CDKAL1: variants seen among roughly 807,000 people sequenced by gnomAD.
CDKAL1 encodes CDKAL1 threonylcarbamoyladenosine tRNA methylthiotransferase.
Under a neutral mutation model 68.2 loss-of-function variants are expected in CDKAL1, and 32 were observed. The observed-to-expected ratio is 0.47, with a 90% CI of 0.35 to 0.63. The LOEUF (loss-of-function observed/expected upper bound fraction) is 0.63, where lower values mean the gene tolerates loss of function less well. Among genes scored for constraint, CDKAL1 ranks in the 30% least tolerant of loss-of-function variants. The pLI is 0.00. For synonymous variants in CDKAL1, 234 were observed against 244.3 expected, an observed-to-expected ratio of 0.96 and a Z score of 0.39; for missense variants, 606 against 696.7, an observed-to-expected ratio of 0.87 and a Z score of 1.47.
At chr6:20,557,000 T>C (rs1764069846) in intron 4 of CDKAL1, among the ~76,000 whole-genome samples, 1 of 146,882 alleles carries the variant, frequency 6.8e-6, no homozygotes. Flanking sequence ...ATCATGCCAC[T>C]GTACTCCAGC....
intron 9 of CDKAL1, among the ~76,000 whole-genome samples, chr6:20,935,817 C>G (rs10946419): frequency 3.3e-5 from 5 of 151,972 alleles, no homozygotes; most frequent in African/African-American, 9.7e-5. Context: ...CGATCCTCCC[C>G]CTTTGGCCTC....
At chr6:21,144,278 C>T (rs1776057723) in intron 13 of CDKAL1, among the ~76,000 whole-genome samples, 1 of 152,190 alleles carries the variant, frequency 6.6e-6, no homozygotes, top group African/African-American at 2.4e-5. Flanking sequence ...TAGCCAGCCT[C>T]ACAGAGTTGT....
intron 9 of CDKAL1, among the ~76,000 whole-genome samples, chr6:20,853,806 G>A (rs1437179353): frequency 2.0e-5 from 3 of 152,152 alleles, no homozygotes; most frequent in Non-Finnish European, 4.4e-5. Context: ...GGTTGAAGCT[G>A]TAAAATGAGC....
At chr6:20,908,539 A>G (rs1455018260) in intron 9 of CDKAL1, among the ~76,000 whole-genome samples, 1 of 152,234 alleles carries the variant, frequency 6.6e-6, no homozygotes, top group Non-Finnish European at 1.5e-5. Flanking sequence ...TCATAAACCA[A>G]CTATGTGACT....
In CDKAL1 at chr6:21,179,218, G is replaced by A. The variant is rs563483520; in HGVS notation, c.1300-18803G>A. Among the ~76,000 whole-genome samples the A allele has an allele frequency of 2.0e-5, 3 of 152,294 alleles. No individual in the cohort carries two copies. The East Asian group carries it at 5.8e-4, about 29-fold the overall frequency. ...TTTCAAAGAGAGCAGAGAGTGTGGG[G>A]TGGAGGTGGGAGAGAATGAGACCTT... is the stretch of plus-strand genomic sequence containing the variant. On this transcript the variant is annotated intron_variant, in intron 13 of 15. Transcript: ENST00000274695.
At position 21,189,695 on chromosome 6, in the gene CDKAL1, A is replaced by G. The variant is rs192184221; in HGVS notation, c.1300-8326A>G. On this transcript the variant is annotated intron_variant, in intron 13 of 15. Coordinates refer to ENST00000274695, the MANE Select transcript of CDKAL1 (RefSeq NM_017774.3). ...CATTTTTGACACACATTCTTGTGTC[A>G]TGGCCCTATTTCATTATAGAATGGC... is the stretch of plus-strand genomic sequence containing the variant. Among the ~76,000 whole-genome samples the G allele has an allele frequency of 2.1e-3, 324 of 152,306 alleles. 3 individuals carry two copies. The highest frequency in any genetic ancestry group is 7.2e-3 in the African/African-American group (298 of 41,554).
intron 5 of CDKAL1, among the ~76,000 whole-genome samples, chr6:20,674,167 C>T (rs1042172755): frequency 9.2e-5 from 14 of 152,074 alleles, no homozygotes; most frequent in Admixed American, 4.6e-4. Flanking sequence ...ATGGTACTCT[C>T]ATTTCATTTG....
chr6:20,792,514 C>T (rs1336031199), intron 8 of CDKAL1, among the ~76,000 whole-genome samples: 3 of 152,140 alleles, frequency 2.0e-5, no homozygotes, highest in Admixed American at 6.5e-5. Flanking sequence ...ACTGCTCTTG[C>T]GGAAAACATA....
rs187591320 is a variant in CDKAL1, at chr6:20,663,341, A to G, written c.371+13964A>G. Among the ~76,000 whole-genome samples, 378 of 152,110 alleles carry G rather than the reference A, an allele frequency of 2.5e-3. 2 individuals carry two copies. The highest frequency in any genetic ancestry group is 8.7e-3 in the African/African-American group (360 of 41,494). On this transcript the variant is annotated intron_variant, in intron 5 of 15. Transcript: ENST00000274695. Reference sequence around the variant, plus strand: ...TGTTTATTGGCTTGATATCTCTGCTATAGGGTATAAACTTTGGGACAAGAT... The same window carrying G: ...TGTTTATTGGCTTGATATCTCTGCTGTAGGGTATAAACTTTGGGACAAGAT...
chr6:20,570,469 C>G (rs573320433), intron 4 of CDKAL1, among the ~76,000 whole-genome samples: 2 of 152,062 alleles, frequency 1.3e-5, no homozygotes, highest in Non-Finnish European at 2.9e-5. Flanking sequence ...GGCGTGATCT[C>G]AGCTCACTGC....
At chr6:21,206,113 G>A (rs865869730) in intron 15 of CDKAL1, among the ~76,000 whole-genome samples, 3 of 152,048 alleles carry the variant, frequency 2.0e-5, no homozygotes, top group South Asian at 4.1e-4. Context: ...TTACAGGCGT[G>A]AGCCACCACA....
At chr6:20,966,201 A>G (rs555200771) in intron 10 of CDKAL1, among the ~76,000 whole-genome samples, 1 of 152,188 alleles carries the variant, frequency 6.6e-6, no homozygotes, top group Non-Finnish European at 1.5e-5. Context: ...GTTTATTTCT[A>G]AGATACTAAA....
intron 6 of CDKAL1, among the ~76,000 whole-genome samples, chr6:20,746,954 A>G (rs1446322956): frequency 6.6e-6 from 1 of 152,162 alleles, no homozygotes; most frequent in Non-Finnish European, 1.5e-5. Flanking sequence ...CTTGTCCTAC[A>G]TAACTGCAAC....
At chr6:20,966,924 T>C (rs184786157) in intron 10 of CDKAL1, among the ~76,000 whole-genome samples, 5 of 152,302 alleles carry the variant, frequency 3.3e-5, no homozygotes, top group African/African-American at 9.6e-5. Context: ...TCTATATTCT[T>C]CCATTATTGC....
At chr6:20,658,004 TGGG>T (rs35136485) in intron 5 of CDKAL1, among the ~76,000 whole-genome samples, 1 of 151,880 alleles carries the variant, frequency 6.6e-6, no homozygotes, top group Non-Finnish European at 1.5e-5. Context: ...GCCTTTAACT[TGGG>T]GGGGTTCTTG....
At chr6:20,866,241 T>C (rs1006934049) in intron 9 of CDKAL1, among the ~76,000 whole-genome samples, 1 of 152,174 alleles carries the variant, frequency 6.6e-6, no homozygotes, top group African/African-American at 2.4e-5. Flanking sequence ...AAGTAAAAGC[T>C]AATGCCAGTT....
intron 4 of CDKAL1, among the ~76,000 whole-genome samples, chr6:20,563,281 G>A (rs1764336936): frequency 6.6e-6 from 1 of 152,112 alleles, no homozygotes; most frequent in Admixed American, 6.5e-5. Flanking sequence ...TTGTGAGAGT[G>A]TTCTGGAATA....
At chr6:20,686,386 C>G (rs774171786) in intron 5 of CDKAL1, among the ~76,000 whole-genome samples, 2 of 152,092 alleles carry the variant, frequency 1.3e-5, no homozygotes, top group Non-Finnish European at 2.9e-5. Flanking sequence ...CCTGTCAGAT[C>G]AGGGGCAGCA....
intron 7 of CDKAL1, among the ~76,000 whole-genome samples, chr6:20,777,650 TAA>T (rs1775230379): frequency 6.6e-6 from 1 of 152,026 alleles, no homozygotes; most frequent in Middle Eastern, 3.2e-3. Flanking sequence ...TACAATTACG[TAA>T]AAAACAATAA....
Sources: allele counts gnomAD v4.1 joint callset (sites outside exome capture counted in the v4.1 genomes callset), GRCh38; gene constraint gnomAD v4.1.1; transcripts MANE v1.5; gene names NCBI Gene and HGNC (gene_info 2026-07-23, HGNC 2026-07-21).